Variants in PTPRM observed in about 807,000 individuals in gnomAD.
PTPRM encodes the protein protein tyrosine phosphatase receptor type M.
In PTPRM, 47 loss-of-function variants were observed where a neutral mutation model predicts 186.7. The ratio of observed to expected loss-of-function variants is 0.25; its 90% CI spans 0.20 to 0.32. The LOEUF (loss-of-function observed/expected upper bound fraction) is 0.32. Ranked by LOEUF, PTPRM falls within the 10% of genes least tolerant of loss-of-function variation. PTPRM has a pLI of 1.00. For synonymous variants in PTPRM, 668 were observed against 674.9 expected (o/e 0.99, Z 0.16); for missense variants, 1,494 against 1,865.0 (o/e 0.80, Z 3.66).
intron 14 of PTPRM, among the ~76,000 whole-genome samples, chr18:8,153,012 G>C (rs2093045667): frequency 6.6e-6 from 1 of 152,064 alleles, no homozygotes; most frequent in South Asian, 2.1e-4. Context: ...CACTGCGCCT[G>C]GCCTTTCCTG....
chr18:8,276,389 A>C (rs1214654043), intron 19 of PTPRM, among the ~76,000 whole-genome samples: 3 of 152,198 alleles, frequency 2.0e-5, no homozygotes, highest in South Asian at 4.1e-4. Flanking sequence ...GTCATATGAT[A>C]GGTCAACGCA....
chr18:7,782,176 A>G (rs146186343), intron 2 of PTPRM, among the ~76,000 whole-genome samples: 1,804 of 152,318 alleles, frequency 0.012, 41 homozygotes, highest in African/African-American at 0.041. Flanking sequence ...GTGAAACACC[A>G]CAGGCTCTGT....
Position 8,054,298 on chromosome 18 carries a change from A to ATATATATATAT in PTPRM, c.1133-15388_1133-15387insTATATATATAT, listed in dbSNP as rs1555710874. Among the ~76,000 whole-genome samples the ATATATATATAT allele has an allele frequency of 2.7e-3, 356 of 131,668 alleles. 4 individuals carry two copies. Among genetic ancestry groups the ATATATATATAT allele is most frequent in the Non-Finnish European group, 3.3e-3 (215 of 64,262 alleles). The allele number at this position is 131,668 out of a possible 152,430, so 86.4% of individuals were successfully genotyped here. A position where few individuals can be genotyped will look rare whatever the true frequency, so the allele number is the denominator to read the frequency against. Reference sequence around the variant, plus strand: ...AGTAGTAATATATACTAGTAGTAGTAATATATATATATATATATATATATT... The same window carrying ATATATATATAT: ...AGTAGTAATATATACTAGTAGTAGTATATATATATATATATATATATATATATATATATATT... On this transcript the variant is annotated intron_variant, in intron 7 of 32. Coordinates refer to ENST00000580170, the MANE Select transcript of PTPRM (RefSeq NM_001105244.2).
chr18:8,164,261 T>G lies in PTPRM; in HGVS notation c.2300+20482T>G, dbSNP rs116525180. 9.4e-3 allele frequency among the ~76,000 whole-genome samples: 1,425 copies of G among 152,312 alleles called. 20 individuals are homozygous for G. The highest frequency in any genetic ancestry group is 0.033 in the African/African-American group (1,351 of 41,560). On this transcript the variant is annotated intron_variant, in intron 14 of 32. Transcript: ENST00000580170. ...TTCTTTAACAGCATGCAGTCCCTTT[T>G]TAAGTGTGCATTCAGTGAAAAAGGT...
At chr18:8,206,268 A>ATTTTATTTTTTTTTTTTTTTTT (rs1238112461) in intron 14 of PTPRM, among the ~76,000 whole-genome samples, 6 of 148,982 alleles carry the variant, frequency 4.0e-5, no homozygotes, top group African/African-American at 1.6e-4. Flanking sequence ...ATTTTATTTT[A>ATTTTATTTTTTTTTTTTTTTTT]TTTTGAGACG....
intron 1 of PTPRM, among the ~76,000 whole-genome samples, chr18:7,758,883 C>T (rs1357222121): frequency 6.6e-6 from 1 of 152,162 alleles, no homozygotes; most frequent in Non-Finnish European, 1.5e-5. Flanking sequence ...TACACGCCCT[C>T]ATTTCTCCCC....
chr18:7,583,570 A>C (rs2036900844), intron 1 of PTPRM, among the ~76,000 whole-genome samples: 1 of 152,258 alleles, frequency 6.6e-6, no homozygotes, highest in Admixed American at 6.5e-5. Flanking sequence ...CCAGAAGTGC[A>C]GTGTACTTAC....
intron 1 of PTPRM, among the ~76,000 whole-genome samples, chr18:7,688,169 C>T (rs1258796543): frequency 6.6e-6 from 1 of 152,160 alleles, no homozygotes; most frequent in East Asian, 1.9e-4. Context: ...TCTCACGTAT[C>T]TGCTAGTGTA....
At chr18:7,950,567 G>A (rs1365066879) in intron 6 of PTPRM, among the ~76,000 whole-genome samples, 1 of 152,154 alleles carries the variant, frequency 6.6e-6, no homozygotes, top group Non-Finnish European at 1.5e-5. Context: ...GTTTCCTTGT[G>A]TGTAAGGTAG....
intron 10 of PTPRM, among the ~76,000 whole-genome samples, chr18:8,088,229 A>G (rs2090531329): frequency 6.6e-6 from 1 of 152,126 alleles, no homozygotes; most frequent in African/African-American, 2.4e-5. Flanking sequence ...GAGCCCACAG[A>G]TTGTCACTAA....
intron 1 of PTPRM, among the ~76,000 whole-genome samples, chr18:7,647,644 G>T (rs1368599776): frequency 6.6e-6 from 1 of 152,208 alleles, no homozygotes; most frequent in Non-Finnish European, 1.5e-5. Context: ...CCCATAGCCA[G>T]CTCTCTTTGA....
intron 26 of PTPRM, chr18:8,376,839 T>C (rs1455330949): frequency 1.1e-5 from 5 of 472,242 alleles, no homozygotes; most frequent in African/African-American, 2.0e-5. Context: ...TTGCACACTT[T>C]TCTGTATTAA....
At chr18:8,258,735 G>A (rs965508853) in intron 19 of PTPRM, among the ~76,000 whole-genome samples, 4 of 152,070 alleles carry the variant, frequency 2.6e-5, no homozygotes, top group Non-Finnish European at 5.9e-5. Context: ...TTCCAGAGAG[G>A]ATGTCCTGAA....
intron 20 of PTPRM, among the ~76,000 whole-genome samples, chr18:8,298,017 C>T (rs965054087): frequency 2.0e-5 from 3 of 152,130 alleles, no homozygotes; most frequent in African/African-American, 7.2e-5. Flanking sequence ...GACGCAAAGG[C>T]CATGGAGATG....
chr18:8,244,190 G>C lies in PTPRM; in HGVS notation c.2433G>C (p.Thr811=). Residue 811 remains threonine, a synonymous_variant, in exon 15 of 33, where the codon ACG becomes ACC. Transcript: ENST00000580170. The stretch of plus-strand genomic sequence containing the variant: ...ACGAGGCTTTCTCATTCATGGACAC[G>C]CACAATCTGAATGGGAGATGTAAGT... ...NCDEAFSFMD[T]HNLNGRSVSS... The C allele has an allele frequency of 6.3e-7, 1 of 1,576,554 alleles. No homozygotes were observed.
chr18:8,279,790 C>T (rs2094880643), intron 19 of PTPRM, among the ~76,000 whole-genome samples: 1 of 152,172 alleles, frequency 6.6e-6, no homozygotes, highest in Non-Finnish European at 1.5e-5. Flanking sequence ...GCCATGCCTG[C>T]AGAGTTTGCA....
At chr18:7,973,792 A>G (rs1290467306) in intron 7 of PTPRM, among the ~76,000 whole-genome samples, 1 of 152,172 alleles carries the variant, frequency 6.6e-6, no homozygotes, top group African/African-American at 2.4e-5. Context: ...ATATATATTA[A>G]TTTATCTTGG....
intron 5 of PTPRM, among the ~76,000 whole-genome samples, chr18:7,940,025 A>T (rs1258477300): frequency 6.6e-6 from 1 of 152,058 alleles, no homozygotes; most frequent in East Asian, 1.9e-4. Flanking sequence ...TGTCACTGTC[A>T]TGGGGAAAGG....
At chr18:8,192,992 G>A (rs531791174) in intron 14 of PTPRM, among the ~76,000 whole-genome samples, 3 of 152,150 alleles carry the variant, frequency 2.0e-5, no homozygotes, top group Admixed American at 6.5e-5. Flanking sequence ...GCTACAGAAA[G>A]CATGTGGGGG....
Sources: gnomAD v4.1 joint callset for allele counts (sites outside exome capture counted in the v4.1 genomes callset) on GRCh38, gnomAD v4.1.1 for gene constraint, MANE v1.5 for transcripts, NCBI Gene and HGNC (gene_info 2026-07-23, HGNC 2026-07-21) for gene names.